Variants in RBMS3 observed in about 807,000 individuals in gnomAD.
RBMS3 encodes the protein RNA binding motif single stranded interacting protein 3, also known as RNA-binding motif, single-stranded-interacting protein 3.
A neutral mutation model predicts 66.8 loss-of-function variants in RBMS3; 27 were observed. That is an observed-to-expected ratio of 0.40 (90% CI 0.30 to 0.56). RBMS3 has a LOEUF of 0.56. Among genes scored for constraint, RBMS3 ranks in the 20% least tolerant of loss-of-function variants. The probability of loss-of-function intolerance (pLI) is 0.40; values close to 1 mark genes in which losing one functional copy is unlikely to be tolerated. For synonymous variants in RBMS3, 188 were observed against 183.0 expected (o/e 1.03, Z -0.22); for missense variants, 513 against 549.5 (o/e 0.93, Z 0.66).
At chr3:29,673,105 G>A (rs7618827) in intron 4 of RBMS3, among the ~76,000 whole-genome samples, 11,929 of 152,134 alleles carry the variant, frequency 0.078, 831 homozygotes, top group African/African-American at 0.18. Context: ...ACTCAATACC[G>A]CACAACTCCA....
At chr3:29,890,181 A>G (rs1247250433) in intron 8 of RBMS3, among the ~76,000 whole-genome samples, 4 of 151,682 alleles carry the variant, frequency 2.6e-5, no homozygotes, top group Non-Finnish European at 1.5e-5. Flanking sequence ...ATATGGTAAC[A>G]TTCCCAGTAG....
At chr3:29,734,788 G>A (rs1054574761) in intron 4 of RBMS3, among the ~76,000 whole-genome samples, 2 of 151,978 alleles carry the variant, frequency 1.3e-5, no homozygotes, top group Non-Finnish European at 1.5e-5. Context: ...TATGTAATTT[G>A]GTGTCCGTTG....
rs186084979 is a variant in RBMS3 at position 29,586,064 on chromosome 3, T to C, written c.308-1050T>C. Among the ~76,000 whole-genome samples, 31 of 152,196 alleles carry C rather than the reference T, an allele frequency of 2.0e-4. No homozygotes were observed. In the East Asian group the frequency reaches 4.1e-3, roughly 20 times the overall value. On this transcript the variant is annotated intron_variant, in intron 3 of 14. Transcript: ENST00000383767. ...CTCCTTAGTAGGTTAGTAGGTTTGCTTCAGTGGCTCACCTCAAAACTTCTA... is the reference window on the plus strand; with the variant it reads ...CTCCTTAGTAGGTTAGTAGGTTTGCCTCAGTGGCTCACCTCAAAACTTCTA...
At chr3:29,729,616 C>T (rs144698269) in intron 4 of RBMS3, among the ~76,000 whole-genome samples, 79 of 152,194 alleles carry the variant, frequency 5.2e-4, no homozygotes, top group East Asian at 9.7e-4. Flanking sequence ...GGTGTAAAAG[C>T]GTTCCTATTT....
At chr3:29,716,986 G>A (rs1466920696) in intron 4 of RBMS3, among the ~76,000 whole-genome samples, 1 of 151,746 alleles carries the variant, frequency 6.6e-6, no homozygotes. Context: ...ATTTTATTTT[G>A]GCACATATAT....
chr3:29,421,856 C>G (rs921203465), intron 1 of RBMS3, among the ~76,000 whole-genome samples: 1 of 152,144 alleles, frequency 6.6e-6, no homozygotes, highest in African/African-American at 2.4e-5. Flanking sequence ...TACTTTGTAT[C>G]ATGAGATTTT....
At chr3:29,985,344 C>A (rs1317658692) in intron 12 of RBMS3, among the ~76,000 whole-genome samples, 1 of 152,106 alleles carries the variant, frequency 6.6e-6, no homozygotes, top group Non-Finnish European at 1.5e-5. Context: ...CTGGCTTCAG[C>A]CCCTTTTCCA....
chr3:29,286,792 A>T (rs868223707), intron 1 of RBMS3, among the ~76,000 whole-genome samples: 2 of 152,210 alleles, frequency 1.3e-5, no homozygotes, highest in Middle Eastern at 3.4e-3. Context: ...TTCAGTCACA[A>T]TTATGCCCAT....
At chr3:29,664,031 A>G (rs913760142) in intron 4 of RBMS3, among the ~76,000 whole-genome samples, 5 of 152,204 alleles carry the variant, frequency 3.3e-5, no homozygotes, top group African/African-American at 9.6e-5. Flanking sequence ...GAATTGATAT[A>G]TAAGTATGAA....
intron 6 of RBMS3, among the ~76,000 whole-genome samples, chr3:29,865,691 C>T (rs896323415): frequency 1.3e-5 from 2 of 152,142 alleles, no homozygotes; most frequent in African/African-American, 4.8e-5. Flanking sequence ...TCCAAGAGGA[C>T]AATCAAGTTC....
chr3:29,427,104 C>A (rs1413808759), intron 1 of RBMS3, among the ~76,000 whole-genome samples: 1 of 152,194 alleles, frequency 6.6e-6, no homozygotes, highest in Non-Finnish European at 1.5e-5. Flanking sequence ...CAAATGATTG[C>A]CTTTCATGAG....
intron 1 of RBMS3, among the ~76,000 whole-genome samples, chr3:29,303,560 C>A (rs1306817254): frequency 6.6e-6 from 1 of 151,868 alleles, no homozygotes; most frequent in Non-Finnish European, 1.5e-5. Context: ...ACTTTTATAG[C>A]CTAGGATGGC....
chr3:29,930,109 C>CTTTCTTTCTTTTTTTTT lies in RBMS3; in HGVS notation c.940-5974_940-5973insCTTTCTTTTTTTTTTTT, dbSNP rs71091082. Among the ~76,000 whole-genome samples, 280 of 43,436 alleles carry CTTTCTTTCTTTTTTTTT rather than the reference C, an allele frequency of 6.4e-3. 23 individuals carry two copies. Among genetic ancestry groups the CTTTCTTTCTTTTTTTTT allele is most frequent in the African/African-American group, 0.014 (224 of 15,834 alleles). 28.5% of individuals were successfully genotyped at this position (43,436 alleles called of 152,430 possible). On this transcript the variant is annotated intron_variant, in intron 10 of 14. Transcript: ENST00000383767. ...TACTTTGTGTCACTTTTCTTTCTTT[C>CTTTCTTTCTTTTTTTTT]TTTTTTTTTTTTTTTTTTTTGAGAT...
intron 7 of RBMS3, among the ~76,000 whole-genome samples, chr3:29,881,966 A>G (rs1269926722): frequency 6.6e-6 from 1 of 152,164 alleles, no homozygotes; most frequent in African/African-American, 2.4e-5. Context: ...GATAATTAGT[A>G]GACTGAATAT....
At position 29,936,341 on chromosome 3, in the gene RBMS3, C is replaced by A. The variant is rs191613000; in HGVS notation, c.1050+145C>A. On this transcript the variant is annotated intron_variant, in intron 11 of 14. Coordinates refer to ENST00000383767, the MANE Select transcript of RBMS3 (RefSeq NM_001003793.3). Reference sequence around the variant, plus strand: ...TTCAGGTTTCAGTATGAATAAGCTGCATTCTGCATGTATGTTCAGTTCCAG... The same window carrying A: ...TTCAGGTTTCAGTATGAATAAGCTGAATTCTGCATGTATGTTCAGTTCCAG... The A allele has an allele frequency of 6.4e-6, 5 of 781,070 alleles. No individual in the cohort carries two copies. In the Admixed American group the frequency reaches 1.1e-4, roughly 17 times the overall value. The allele number at this position is 781,070 out of a possible 1,614,324, so 48.4% of individuals were successfully genotyped here.
chr3:29,788,491 C>A (rs1025515582), intron 6 of RBMS3, among the ~76,000 whole-genome samples: 17 of 152,232 alleles, frequency 1.1e-4, no homozygotes, highest in Middle Eastern at 3.4e-3. Context: ...TCCCAAAGTG[C>A]AGGGATTACA....
chr3:29,372,435 CATT>C (rs1196337534), intron 1 of RBMS3, among the ~76,000 whole-genome samples: 2 of 152,124 alleles, frequency 1.3e-5, no homozygotes, highest in East Asian at 3.9e-4. Flanking sequence ...GCTAAAGTGT[CATT>C]AGTTTCCCCT....
intron 4 of RBMS3, among the ~76,000 whole-genome samples, chr3:29,603,392 C>A (rs1023113405): frequency 1.3e-5 from 2 of 151,950 alleles, no homozygotes; most frequent in Non-Finnish European, 2.9e-5. Context: ...ATTCATATTT[C>A]CTTTTATAAC....
At chr3:29,663,765 A>T (rs111598306) in intron 4 of RBMS3, among the ~76,000 whole-genome samples, 2,047 of 151,170 alleles carry the variant, frequency 0.014, 45 homozygotes, top group African/African-American at 0.047. Flanking sequence ...TTAAAAAAAA[A>T]TTATATTTCA....
Sources: gnomAD v4.1 joint callset for allele counts (sites outside exome capture counted in the v4.1 genomes callset) on GRCh38, gnomAD v4.1.1 for gene constraint, MANE v1.5 for transcripts, NCBI Gene and HGNC (gene_info 2026-07-23, HGNC 2026-07-21) for gene names.